The following UMAD1 variants were observed in gnomAD, a reference collection of about 807,000 sequenced individuals.
The protein encoded by UMAD1 is UBAP1-MVB12-associated (UMA)-domain containing protein 1.
A neutral mutation model predicts 6.1 loss-of-function variants in UMAD1; 8 were observed. That is an observed-to-expected ratio of 1.30 (90% CI 0.76 to 2.35). UMAD1 has a LOEUF of 2.35. UMAD1 is among the 30% of genes most tolerant of loss of function. UMAD1 has a pLI of 0.00. For missense variants in UMAD1, 130 were observed against 78.4 expected (o/e 1.66, Z -2.49); for synonymous variants, 56 against 31.4 (o/e 1.78, Z -2.61).
At chr7:7,733,154 C>T (rs1007160826) in intron 2 of UMAD1, among the ~76,000 whole-genome samples, 2 of 152,090 alleles carry the variant, frequency 1.3e-5, no homozygotes, top group Admixed American at 6.5e-5. Context: ...AAGTAGCACA[C>T]GATACCCAGT....
intron 2 of UMAD1, among the ~76,000 whole-genome samples, chr7:7,800,429 A>G (rs1782775916): frequency 6.6e-6 from 1 of 152,114 alleles, no homozygotes; most frequent in Non-Finnish European, 1.5e-5. Context: ...AATATTTTTT[A>G]TTACTTTAAT....
chr7:7,770,491 A>G (rs7357092), intron 2 of UMAD1, among the ~76,000 whole-genome samples: 131,083 of 152,182 alleles, frequency 0.86, 56,591 homozygotes, highest in African/African-American at 0.9. Context: ...AGAGAGGTAG[A>G]TGGTCTGAGT....
intron 2 of UMAD1, among the ~76,000 whole-genome samples, chr7:7,708,472 C>G (rs1780663495): frequency 2.0e-5 from 3 of 152,062 alleles, no homozygotes; most frequent in Admixed American, 1.3e-4. Flanking sequence ...ACAGCATTTA[C>G]CATTTTGGAT....
intron 3 of UMAD1, among the ~76,000 whole-genome samples, chr7:7,819,566 C>T (rs911025741): frequency 6.6e-6 from 1 of 152,088 alleles, no homozygotes; most frequent in Non-Finnish European, 1.5e-5. Flanking sequence ...GATAAAGCTA[C>T]GTGTATATTA....
chr7:7,789,596 C>G (rs945181448), intron 2 of UMAD1, among the ~76,000 whole-genome samples: 2 of 147,534 alleles, frequency 1.4e-5, no homozygotes, highest in African/African-American at 2.6e-5. Flanking sequence ...AAACTCTGTA[C>G]TCGTTAAACA....
chr7:7,745,805 C>A (rs1781561426), intron 2 of UMAD1, among the ~76,000 whole-genome samples: 1 of 152,172 alleles, frequency 6.6e-6, no homozygotes, highest in African/African-American at 2.4e-5. Flanking sequence ...TTCCATTCCC[C>A]CTCATTGGAG....
At chr7:7,682,116 G>T (rs1015708684) in intron 2 of UMAD1, among the ~76,000 whole-genome samples, 1 of 152,118 alleles carries the variant, frequency 6.6e-6, no homozygotes, top group African/African-American at 2.4e-5. Flanking sequence ...TACAGTACAA[G>T]GGAAATGCAT....
intron 2 of UMAD1, among the ~76,000 whole-genome samples, chr7:7,752,538 C>T (rs975788906): frequency 5.3e-5 from 8 of 152,066 alleles, no homozygotes; most frequent in African/African-American, 1.7e-4. Context: ...TGAAAGTTTT[C>T]CCAAATTTTA....
At chr7:7,680,826 G>C (rs2115121035) in intron 2 of UMAD1, among the ~76,000 whole-genome samples, 1 of 150,266 alleles carries the variant, frequency 6.7e-6, no homozygotes, top group African/African-American at 2.4e-5. Context: ...TTACTTTCTT[G>C]GTTTCTTTTT....
At chr7:7,817,688 C>T (rs926885077) in intron 3 of UMAD1, among the ~76,000 whole-genome samples, 1 of 152,196 alleles carries the variant, frequency 6.6e-6, no homozygotes, top group Non-Finnish European at 1.5e-5. Context: ...TGTATTATGA[C>T]TTTCCTCAAA....
chr7:7,656,077 C>T (rs1413114374), intron 1 of UMAD1, among the ~76,000 whole-genome samples: 1 of 152,030 alleles, frequency 6.6e-6, no homozygotes, highest in Admixed American at 6.5e-5. Context: ...TCAGGTGATC[C>T]GCCTGCCTCT....
chr7:7,751,143 A>G (rs548178632), intron 2 of UMAD1, among the ~76,000 whole-genome samples: 2 of 152,184 alleles, frequency 1.3e-5, no homozygotes, highest in Non-Finnish European at 2.9e-5. Flanking sequence ...TTTCTGTGTT[A>G]TACCACTAGT....
rs148766307 is a variant in UMAD1, at chr7:7,873,238, C to T, written c.157-4043C>T. ...GAGACCTGGGATTTATACCAAGCAG[C>T]GTGGTTCTGGAATCTGTGCTCCTAA... On this transcript the variant is annotated intron_variant, in intron 3 of 3. Transcript: ENST00000682710. Among the ~76,000 whole-genome samples the T allele has an allele frequency of 5.3e-5, 8 of 152,266 alleles. No individual in the cohort carries two copies. The East Asian group carries it at 1.5e-3, about 29-fold the overall frequency.
At chr7:7,779,733 C>G (rs1473732286) in intron 2 of UMAD1, among the ~76,000 whole-genome samples, 1 of 152,154 alleles carries the variant, frequency 6.6e-6, no homozygotes, top group Non-Finnish European at 1.5e-5. Flanking sequence ...CAACCTCCAC[C>G]TCCTGTGCTC....
At chr7:7,742,318 T>G in intron 2 of UMAD1, 3 of 624,974 alleles carry the variant, frequency 4.8e-6, no homozygotes, top group South Asian at 4.1e-5. Context: ...TCAGCGGAAA[T>G]TTGATAGTGT....
In UMAD1 at chr7:7,798,295, A is replaced by G. The variant is rs567639732; in HGVS notation, c.83-3375A>G. On this transcript the variant is annotated intron_variant, in intron 2 of 3. Coordinates refer to ENST00000682710, the MANE Select transcript of UMAD1 (RefSeq NM_001302348.2). ...GTCCTTTAAGTTCTGAAAGAGCTTC[A>G]TTAGTATGTATATGTAGCCTTTATC... Among the ~76,000 whole-genome samples, 10 of 152,354 alleles carry G rather than the reference A, an allele frequency of 6.6e-5. No homozygotes were observed. The East Asian group carries it at 1.9e-3, about 29-fold the overall frequency.
At chr7:7,848,335 C>A (rs1176455872) in intron 3 of UMAD1, among the ~76,000 whole-genome samples, 1 of 152,090 alleles carries the variant, frequency 6.6e-6, no homozygotes, top group East Asian at 1.9e-4. Flanking sequence ...CACATTTTAG[C>A]AATTTTTGAT....
chr7:7,815,998 G>A (rs761345790), intron 3 of UMAD1, among the ~76,000 whole-genome samples: 2 of 152,118 alleles, frequency 1.3e-5, no homozygotes, highest in Non-Finnish European at 2.9e-5. Context: ...AAGTCTTTGA[G>A]TAGTCATAGT....
At chr7:7,693,705 A>G (rs985976424) in intron 2 of UMAD1, among the ~76,000 whole-genome samples, 3 of 152,120 alleles carry the variant, frequency 2.0e-5, no homozygotes, top group Non-Finnish European at 4.4e-5. Flanking sequence ...ACTTTATTAC[A>G]ATTTTAATAA....
Sources: gnomAD v4.1 joint callset for allele counts (sites outside exome capture counted in the v4.1 genomes callset) on GRCh38, gnomAD v4.1.1 for gene constraint, MANE v1.5 for transcripts, NCBI Gene and HGNC (gene_info 2026-07-23, HGNC 2026-07-21) for gene names.